ZNF521: variants seen among roughly 807,000 people sequenced by gnomAD.
ZNF521 encodes LYST-interacting protein 3.
A neutral mutation model predicts 105.5 loss-of-function variants in ZNF521; 14 were observed. The ratio of observed to expected loss-of-function variants is 0.13; its 90% CI spans 0.09 to 0.21. ZNF521 has a LOEUF of 0.21. ZNF521 is among the 10% of genes least tolerant of loss of function. The pLI is 1.00. For synonymous variants in ZNF521, 635 were observed against 606.0 expected (o/e 1.05, Z -0.70); for missense variants, 1,233 against 1,629.7 (o/e 0.76, Z 4.19).
chr18:25,111,530 A>T (rs1332492556), intron 5 of ZNF521, among the ~76,000 whole-genome samples: 1 of 152,206 alleles, frequency 6.6e-6, no homozygotes, highest in African/African-American at 2.4e-5. Flanking sequence ...GTCTCTCAAG[A>T]ACTTTACCCT....
chr18:25,231,812 A>C (rs894206962), intron 3 of ZNF521, among the ~76,000 whole-genome samples: 2 of 152,222 alleles, frequency 1.3e-5, no homozygotes, highest in Non-Finnish European at 2.9e-5. Flanking sequence ...GACAGGGACC[A>C]AGCCTTTCAG....
chr18:25,306,039 G>A (rs1250977676), intron 3 of ZNF521, among the ~76,000 whole-genome samples: 3 of 152,188 alleles, frequency 2.0e-5, no homozygotes, highest in African/African-American at 7.2e-5. Context: ...AGCTTTGGGA[G>A]AACTGAGATT....
chr18:25,174,134 T>A (rs2035495057), intron 5 of ZNF521, among the ~76,000 whole-genome samples: 1 of 152,198 alleles, frequency 6.6e-6, no homozygotes, highest in South Asian at 2.1e-4. Context: ...GAAATAAGAA[T>A]GCTTACTTAT....
In ZNF521 at chr18:25,062,678, C is replaced by T; in HGVS notation, c.*34G>A. ...TAAAACATGTTCCCTTTTTGTGCCA[C>T]AAAATCAATTCTCCTTGAGAGACTG... On this transcript the variant is annotated 3_prime_UTR_variant, in exon 8 of 8. Transcript: ENST00000361524. The T allele has an allele frequency of 1.4e-6, 2 of 1,427,414 alleles. No individual in the cohort carries two copies. Among genetic ancestry groups the T allele is most frequent in the Non-Finnish European group, 1.9e-6 (2 of 1,073,792 alleles). 88.4% of individuals were successfully genotyped at this position (1,427,414 alleles called of 1,614,324 possible).
At chr18:25,280,737 T>C (rs1044336250) in intron 3 of ZNF521, among the ~76,000 whole-genome samples, 1 of 152,240 alleles carries the variant, frequency 6.6e-6, no homozygotes, top group South Asian at 2.1e-4. Flanking sequence ...TTCTTTTCTC[T>C]GTAAAACAAT....
chr18:25,168,163 G>A (rs41306968), intron 5 of ZNF521, among the ~76,000 whole-genome samples: 18,181 of 151,988 alleles, frequency 0.12, 1,260 homozygotes, highest in East Asian at 0.23. Context: ...CCTGTGGCCC[G>A]TCCCTCTAGG....
intron 3 of ZNF521, among the ~76,000 whole-genome samples, chr18:25,319,709 G>T (rs1489100841): frequency 6.6e-6 from 1 of 152,112 alleles, no homozygotes; most frequent in Non-Finnish European, 1.5e-5. Flanking sequence ...AGAGAAAATG[G>T]TAACTTTATA....
intron 5 of ZNF521, among the ~76,000 whole-genome samples, chr18:25,190,156 T>A (rs2035793364): frequency 6.6e-6 from 1 of 152,214 alleles, no homozygotes; most frequent in South Asian, 2.1e-4. Flanking sequence ...TCTTTTTTAA[T>A]CCAGCTCTTG....
At chr18:25,258,950 A>G (rs949573178) in intron 3 of ZNF521, among the ~76,000 whole-genome samples, 10 of 152,096 alleles carry the variant, frequency 6.6e-5, no homozygotes, top group Non-Finnish European at 1.0e-4. Context: ...GCACCCTGCT[A>G]CATGCTTGAT....
chr18:25,287,980 A>G (rs1210668205), intron 3 of ZNF521, among the ~76,000 whole-genome samples: 1 of 152,172 alleles, frequency 6.6e-6, no homozygotes, highest in Non-Finnish European at 1.5e-5. Context: ...GATTCACATG[A>G]AATCTCTTAA....
chr18:25,072,536 A>G (rs1384133968), intron 7 of ZNF521, among the ~76,000 whole-genome samples: 1 of 152,200 alleles, frequency 6.6e-6, no homozygotes, highest in Non-Finnish European at 1.5e-5. Context: ...GAGTGGGGGA[A>G]AAAGGTGCCG....
chr18:25,191,929 G>C (rs1379454694), intron 5 of ZNF521, among the ~76,000 whole-genome samples: 2 of 152,098 alleles, frequency 1.3e-5, no homozygotes, highest in African/African-American at 4.8e-5. Flanking sequence ...GGGTGAATAG[G>C]AAATTAAAGC....
chr18:25,144,536 A>G (rs2034907658), intron 5 of ZNF521, among the ~76,000 whole-genome samples: 1 of 152,212 alleles, frequency 6.6e-6, no homozygotes, highest in Non-Finnish European at 1.5e-5. Flanking sequence ...AACTGGATAC[A>G]TATACATGGA....
intron 7 of ZNF521, among the ~76,000 whole-genome samples, chr18:25,081,384 TAATG>T (rs2033492314): frequency 6.6e-6 from 1 of 152,112 alleles, no homozygotes; most frequent in Non-Finnish European, 1.5e-5. Flanking sequence ...ATCAAGAAAT[TAATG>T]GATGGAGAAT....
intron 4 of ZNF521, among the ~76,000 whole-genome samples, chr18:25,223,516 G>C (rs530268368): frequency 2.6e-5 from 4 of 152,170 alleles, no homozygotes; most frequent in African/African-American, 9.7e-5. Flanking sequence ...GGCAGGTAGG[G>C]AAGTGGAAAG....
intron 4 of ZNF521, among the ~76,000 whole-genome samples, chr18:25,207,662 T>C (rs1224138285): frequency 6.6e-6 from 1 of 152,174 alleles, no homozygotes; most frequent in Non-Finnish European, 1.5e-5. Flanking sequence ...TGTGAGCTTT[T>C]TATATGTACA....
chr18:25,213,118 A>C (rs1036396889), intron 4 of ZNF521, among the ~76,000 whole-genome samples: 1 of 150,178 alleles, frequency 6.7e-6, no homozygotes, highest in African/African-American at 2.4e-5. Flanking sequence ...ATAAAATATT[A>C]GTTAAAATTT....
Position 25,148,124 on chromosome 18 carries a change from A to G in ZNF521, c.3658+47036T>C, listed in dbSNP as rs1489013016. ...TATGAGACAGCAGTTGACCATTTGGAGAAGGGGACAGCTGGGTGCTAAATA... is the reference window on the plus strand; with the variant it reads ...TATGAGACAGCAGTTGACCATTTGGGGAAGGGGACAGCTGGGTGCTAAATA... On this transcript the variant is annotated intron_variant, in intron 5 of 7. Coordinates refer to ENST00000361524, the MANE Select transcript of ZNF521 (RefSeq NM_015461.3). Among the ~76,000 whole-genome samples the G allele has an allele frequency of 1.3e-5, 2 of 152,196 alleles. 1 individual carries two copies. Among genetic ancestry groups the G allele is most frequent in the African/African-American group, 4.8e-5 (2 of 41,456 alleles).
At chr18:25,175,609 T>C (rs886291190) in intron 5 of ZNF521, among the ~76,000 whole-genome samples, 4 of 152,200 alleles carry the variant, frequency 2.6e-5, no homozygotes, top group African/African-American at 4.8e-5. Flanking sequence ...TCAGCATAAA[T>C]ATTGGTTGAG....
Sources: gnomAD v4.1 joint callset for allele counts (sites outside exome capture counted in the v4.1 genomes callset) on GRCh38, gnomAD v4.1.1 for gene constraint, MANE v1.5 for transcripts, NCBI Gene and HGNC (gene_info 2026-07-23, HGNC 2026-07-21) for gene names.